Variants in UNC13B observed in about 807,000 individuals in gnomAD.
The protein encoded by UNC13B is unc-13 homolog B.
A neutral mutation model predicts 211.0 loss-of-function variants in UNC13B; 144 were observed. That is an observed-to-expected ratio of 0.68 (90% CI 0.60 to 0.78). The LOEUF is 0.78. UNC13B is among the 30% of genes least tolerant of loss of function. The probability of loss-of-function intolerance (pLI) is 0.00; values close to 1 mark genes in which losing one functional copy is unlikely to be tolerated. For missense variants in UNC13B, 1,777 were observed against 2,002.0 expected (o/e 0.89, Z 2.14); for synonymous variants, 709 against 725.8 (o/e 0.98, Z 0.37).
intron 11 of UNC13B, among the ~76,000 whole-genome samples, chr9:35,365,539 A>C (rs965250157): frequency 1.3e-5 from 2 of 152,126 alleles, no homozygotes; most frequent in Non-Finnish European, 2.9e-5. Context: ...CAGAGGGAAA[A>C]TAAGTTCTGG....
At chr9:35,195,541 C>G (rs2131355811) in intron 1 of UNC13B, among the ~76,000 whole-genome samples, 1 of 152,286 alleles carries the variant, frequency 6.6e-6, no homozygotes. Flanking sequence ...TGAGATCTGT[C>G]TCAGATACTT....
intron 1 of UNC13B, among the ~76,000 whole-genome samples, chr9:35,162,954 C>A (rs1006039220): frequency 2.0e-5 from 3 of 152,172 alleles, no homozygotes; most frequent in African/African-American, 7.2e-5. Context: ...GGACACTTGA[C>A]CCATCTAAGA....
At chr9:35,246,308 G>C (rs10972399) in intron 6 of UNC13B, among the ~76,000 whole-genome samples, 22,037 of 151,772 alleles carry the variant, frequency 0.15, 1,861 homozygotes, top group Admixed American at 0.25. Flanking sequence ...GTTGCCTGTT[G>C]ACTCTGATGG....
chr9:35,203,412 A>G (rs1057474670), intron 1 of UNC13B, among the ~76,000 whole-genome samples: 17 of 152,168 alleles, frequency 1.1e-4, no homozygotes, highest in African/African-American at 3.4e-4. Flanking sequence ...TCCTTCACTT[A>G]TGAAGCTTAG....
chr9:35,259,023 C>T lies in UNC13B; in HGVS notation c.499C>T (p.Pro167Ser). The T allele has an allele frequency of 6.2e-7, 1 of 1,613,870 alleles. No homozygotes were observed. The highest frequency in any genetic ancestry group is 8.5e-7 in the Non-Finnish European group (1 of 1,179,932). Residue 167 changes from proline (P) to serine (S), a missense_variant, in exon 7 of 40, where the codon CCA (proline) becomes TCA (serine). By Grantham distance (74) the Pro-to-Ser change is moderately conservative. Coordinates refer to ENST00000635942, the MANE Select transcript of UNC13B (RefSeq NM_001371189.2). Reference protein sequence around the residue: ...YSSQEESQRKPLPTAAAQCSF... With the variant: ...YSSQEESQRKSLPTAAAQCSF... ...TAGTCAAGAAGAAAGCCAGAGGAAG[C>T]CATTGCCCACTGCTGCCGCCCAGTG...
At chr9:35,380,037 A>G (rs969780671) in intron 17 of UNC13B, among the ~76,000 whole-genome samples, 3 of 152,208 alleles carry the variant, frequency 2.0e-5, no homozygotes, top group African/African-American at 4.8e-5. Flanking sequence ...CCAAACAGTT[A>G]TAACCCTATG....
intron 36 of UNC13B, 138 bp from the exon 37 acceptor site, chr9:35,400,158 A>G: frequency 1.6e-6 from 2 of 1,245,482 alleles, no homozygotes; most frequent in Non-Finnish European, 1.1e-6. Context: ...TACTCATCCA[A>G]GAGCCTATGC....
intron 7 of UNC13B, among the ~76,000 whole-genome samples, chr9:35,286,379 C>T (rs909578509): frequency 6.6e-6 from 1 of 151,766 alleles, no homozygotes; most frequent in Admixed American, 6.6e-5. Flanking sequence ...ATTACAGGTG[C>T]CTGCCACCAT....
At chr9:35,353,117 A>G in intron 11 of UNC13B, 2 of 1,232,168 alleles carry the variant, frequency 1.6e-6, no homozygotes, top group Non-Finnish European at 1.0e-6. Context: ...GGAAATTATC[A>G]TAGGGCCTGA....
chr9:35,305,960 G>A lies in UNC13B; in HGVS notation c.6556G>A (p.Ala2186Thr). The A allele has an allele frequency of 2.5e-6, 1 of 398,992 alleles. No individual in the cohort carries two copies. The highest frequency in any genetic ancestry group is 4.4e-6 in the Non-Finnish European group (1 of 226,048). The allele number at this position is 398,992 out of a possible 1,614,324, so 24.7% of individuals were successfully genotyped here. The change falls in exon 9 of 40, where the codon GCA (alanine) becomes ACA (threonine). Residue 2186 changes from alanine (A) to threonine (T), a missense_variant. Coordinates refer to ENST00000635942, the MANE Select transcript of UNC13B (RefSeq NM_001371189.2). ...TACTCTACCAAGAGCCAAATCTCAGGCAGAAGGGCTATTCACACTTCCTTC... is the reference window on the plus strand; with the variant it reads ...TACTCTACCAAGAGCCAAATCTCAGACAGAAGGGCTATTCACACTTCCTTC... ...SATLPRAKSQAEGLFTLPSFF... is the reference protein window; with the variant it reads ...SATLPRAKSQTEGLFTLPSFF...
intron 2 of UNC13B, among the ~76,000 whole-genome samples, chr9:35,230,236 C>G (rs1825119366): frequency 6.6e-6 from 1 of 152,038 alleles, no homozygotes; most frequent in Non-Finnish European, 1.5e-5. Flanking sequence ...CTTTTGGAGG[C>G]CAAGATGGGT....
intron 11 of UNC13B, among the ~76,000 whole-genome samples, chr9:35,330,868 T>C (rs1386181644): frequency 6.6e-6 from 1 of 152,120 alleles, no homozygotes; most frequent in Non-Finnish European, 1.5e-5. Context: ...AAGGAGCACA[T>C]AGAACATTTC....
chr9:35,250,305 T>C (rs1826384943), intron 6 of UNC13B, among the ~76,000 whole-genome samples: 1 of 152,204 alleles, frequency 6.6e-6, no homozygotes. Flanking sequence ...AGAAACCCTG[T>C]GCCCTTAGTC....
chr9:35,317,518 CTTTT>C (rs748345363), intron 11 of UNC13B, among the ~76,000 whole-genome samples: 2 of 97,660 alleles, frequency 2.0e-5, no homozygotes, highest in African/African-American at 4.3e-5. Context: ...GCTAAAGAAG[CTTTT>C]TTTTTTTTTT....
At chr9:35,190,957 TTTTC>T (rs1822624637) in intron 1 of UNC13B, among the ~76,000 whole-genome samples, 2 of 152,058 alleles carry the variant, frequency 1.3e-5, no homozygotes, top group Non-Finnish European at 2.9e-5. Flanking sequence ...GTACAAGGTA[TTTTC>T]TTTTTTCTTT....
rs1395154514 is a variant in UNC13B, at chr9:35,162,189, GC to G, written c.-93del. ...CATGAGGAGCTGCCAGACCCGTGGG[GC>G]CGGTAACGAGAGCAGTCGCGGCACC... On this transcript the variant is annotated 5_prime_UTR_variant, in exon 1 of 40. The change abolishes the stop of an existing upstream ORF in the 5' untranslated region. Transcript: ENST00000635942. 2.6e-6 allele frequency: 4 copies of G among 1,524,294 alleles called. No individual in the cohort carries two copies. Among genetic ancestry groups the G allele is most frequent in the South Asian group, 1.2e-5 (1 of 83,676 alleles). The allele number at this position is 1,524,294 out of a possible 1,614,324, so 94.4% of individuals were successfully genotyped here. A position where few individuals can be genotyped will look rare whatever the true frequency, so the allele number is the denominator to read the frequency against.
intron 11 of UNC13B, among the ~76,000 whole-genome samples, chr9:35,347,567 G>A (rs1216976242): frequency 6.6e-6 from 1 of 152,190 alleles, no homozygotes; most frequent in East Asian, 1.9e-4. Context: ...CTGCTTCAAA[G>A]CCCAAAGACT....
At chr9:35,354,944 C>T (rs1180950184) in intron 11 of UNC13B, among the ~76,000 whole-genome samples, 1 of 152,110 alleles carries the variant, frequency 6.6e-6, no homozygotes, top group Non-Finnish European at 1.5e-5. Context: ...GACATATGGA[C>T]AAGGCTATTT....
intron 17 of UNC13B, among the ~76,000 whole-genome samples, chr9:35,378,786 A>G (rs1350513118): frequency 6.6e-6 from 1 of 152,124 alleles, no homozygotes; most frequent in Admixed American, 6.5e-5. Context: ...CTAGGAAGGT[A>G]CAGTAGGGTT....
Sources: gnomAD v4.1 joint callset for allele counts (sites outside exome capture counted in the v4.1 genomes callset) on GRCh38, gnomAD v4.1.1 for gene constraint, MANE v1.5 for transcripts, NCBI Gene and HGNC (gene_info 2026-07-23, HGNC 2026-07-21) for gene names.